Variants in SDK1 observed in about 807,000 individuals in gnomAD.
SDK1 encodes protein sidekick-1.
SDK1 carries 157 observed loss-of-function variants against 245.5 expected under a neutral mutation model. The observed-to-expected ratio is 0.64, with a 90% CI of 0.56 to 0.73. SDK1 has a LOEUF of 0.73. Ranked by LOEUF, SDK1 falls within the 30% of genes least tolerant of loss-of-function variation. The pLI is 0.00. For synonymous variants in SDK1, 1,647 were observed against 1,278.5 expected (o/e 1.29, Z -6.15); for missense variants, 3,583 against 3,002.3 (o/e 1.19, Z -4.52).
intron 3 of SDK1, among the ~76,000 whole-genome samples, chr7:3,641,152 C>A (rs1304433798): frequency 6.6e-6 from 1 of 152,078 alleles, no homozygotes; most frequent in East Asian, 1.9e-4. Context: ...CTGAAGAAGA[C>A]ATTGATAATA....
chr7:3,926,631 G>C (rs766812488), intron 5 of SDK1, among the ~76,000 whole-genome samples: 1 of 151,998 alleles, frequency 6.6e-6, no homozygotes, highest in Non-Finnish European at 1.5e-5. Flanking sequence ...TGCCCACCTT[G>C]GCCTTCTACA....
chr7:3,341,443 A>G (rs1304664536), intron 1 of SDK1, among the ~76,000 whole-genome samples: 1 of 152,196 alleles, frequency 6.6e-6, no homozygotes, highest in Non-Finnish European at 1.5e-5. Flanking sequence ...GGTTGGGAAC[A>G]AGGCCAGGAT....
rs150677941 is a variant in SDK1, at chr7:4,126,942, C to G, written c.3824-439C>G. On this transcript the variant is annotated intron_variant, in intron 25 of 44. Coordinates refer to ENST00000404826, the MANE Select transcript of SDK1 (RefSeq NM_152744.4). ...AGGCACTGGATAAGCACCTAGTCAA[C>G]CTACCCTCCCTTCCCCTTCTTTTGT... Among the ~76,000 whole-genome samples the G allele has an allele frequency of 2.6e-3, 397 of 152,286 alleles. 2 individuals carry two copies. Among genetic ancestry groups the G allele is most frequent in the African/African-American group, 7.9e-3 (327 of 41,552 alleles).
chr7:3,701,363 G>A (rs192024452), intron 4 of SDK1, among the ~76,000 whole-genome samples: 10 of 152,334 alleles, frequency 6.6e-5, no homozygotes, highest in Admixed American at 5.2e-4. Context: ...TCTATAAAAA[G>A]TGAATTTTTC....
At chr7:3,664,490 G>A (rs1164287020) in intron 4 of SDK1, among the ~76,000 whole-genome samples, 2 of 152,150 alleles carry the variant, frequency 1.3e-5, no homozygotes, top group African/African-American at 4.8e-5. Context: ...TGTAAACCCA[G>A]CACTTTGGGA....
intron 4 of SDK1, among the ~76,000 whole-genome samples, chr7:3,819,576 A>T (rs1206637935): frequency 6.6e-6 from 1 of 152,120 alleles, no homozygotes; most frequent in Non-Finnish European, 1.5e-5. Context: ...CCAGTGTAAC[A>T]TATACTAAAA....
intron 1 of SDK1, among the ~76,000 whole-genome samples, chr7:3,496,323 CT>C (rs1425180126): frequency 6.6e-6 from 1 of 152,130 alleles, no homozygotes; most frequent in Non-Finnish European, 1.5e-5. Context: ...TTTCAATTCC[CT>C]GGCAATAGCA....
At chr7:3,883,374 C>A (rs1253448181) in intron 5 of SDK1, among the ~76,000 whole-genome samples, 2 of 152,202 alleles carry the variant, frequency 1.3e-5, no homozygotes, top group Non-Finnish European at 2.9e-5. Context: ...AGGAACGTGC[C>A]TGAACGGCTA....
chr7:3,938,659 A>AAAAAAAAAAAAAAAAAAAAAAAAAAG (rs1554284813), intron 5 of SDK1, among the ~76,000 whole-genome samples: 11 of 150,954 alleles, frequency 7.3e-5, no homozygotes, highest in African/African-American at 2.5e-4. Context: ...AAAAAAAAAA[A>AAAAAAAAAAAAAAAAAAAAAAAAAAG]AGAGATCCTC....
intron 12 of SDK1, among the ~76,000 whole-genome samples, chr7:3,973,157 C>T (rs1333560419): frequency 2.0e-5 from 3 of 152,176 alleles, no homozygotes; most frequent in Non-Finnish European, 1.5e-5. Flanking sequence ...GGTTGCTCTG[C>T]CCTGAGGAGC....
intron 1 of SDK1, among the ~76,000 whole-genome samples, chr7:3,322,590 A>G (rs756543405): frequency 3.3e-5 from 5 of 152,330 alleles, no homozygotes; most frequent in Admixed American, 2.0e-4. Flanking sequence ...ATTTCCACCA[A>G]CAATGTAGAA....
chr7:4,208,313 C>A, intron 37 of SDK1, 28 bp downstream of exon 37: 1 of 1,601,570 alleles, frequency 6.2e-7, no homozygotes, highest in Non-Finnish European at 8.5e-7. Flanking sequence ...TTCCTTTGGG[C>A]AGGCCTCCTT....
At chr7:3,977,771 G>A (rs1583703454) in intron 13 of SDK1, among the ~76,000 whole-genome samples, 1 of 152,234 alleles carries the variant, frequency 6.6e-6, no homozygotes, top group Non-Finnish European at 1.5e-5. Context: ...AAGCACCTTG[G>A]TGGCACTGTT....
At chr7:3,467,429 A>G (rs1781044589) in intron 1 of SDK1, among the ~76,000 whole-genome samples, 1 of 152,098 alleles carries the variant, frequency 6.6e-6, no homozygotes, top group African/African-American at 2.4e-5. Flanking sequence ...AATGTATAGT[A>G]TAAAAATAAA....
chr7:3,603,526 T>C (rs540493041), intron 1 of SDK1, among the ~76,000 whole-genome samples: 2,191 of 152,062 alleles, frequency 0.014, 58 homozygotes, highest in African/African-American at 0.05. Context: ...TTTTGTACAT[T>C]GATTTTGTAT....
chr7:3,676,249 G>A (rs914497202), intron 4 of SDK1, among the ~76,000 whole-genome samples: 9 of 151,606 alleles, frequency 5.9e-5, no homozygotes, highest in African/African-American at 1.2e-4. Context: ...AAACTCCTGG[G>A]CTCAAGTTAT....
intron 20 of SDK1, among the ~76,000 whole-genome samples, chr7:4,068,628 A>T (rs1241683239): frequency 6.6e-6 from 1 of 151,758 alleles, no homozygotes; most frequent in Non-Finnish European, 1.5e-5. Context: ...GCTGAGCCTT[A>T]GAGGCCCCTG....
intron 4 of SDK1, among the ~76,000 whole-genome samples, chr7:3,762,281 G>C (rs1223578216): frequency 6.6e-6 from 1 of 152,156 alleles, no homozygotes; most frequent in African/African-American, 2.4e-5. Flanking sequence ...GGCATTTTTG[G>C]TGGTCCTGAT....
At chr7:3,403,744 AGAGT>A (rs749412167) in intron 1 of SDK1, among the ~76,000 whole-genome samples, 8 of 148,376 alleles carry the variant, frequency 5.4e-5, no homozygotes, top group Non-Finnish European at 1.0e-4. Context: ...CTCTTCTGAA[AGAGT>A]GAGGGCACTG....
Sources: gnomAD v4.1 joint callset for allele counts (sites outside exome capture counted in the v4.1 genomes callset) on GRCh38, gnomAD v4.1.1 for gene constraint, MANE v1.5 for transcripts, NCBI Gene and HGNC (gene_info 2026-07-23, HGNC 2026-07-21) for gene names.